Variants in BIN2 observed in about 807,000 individuals in gnomAD.
The protein encoded by BIN2 is bridging integrator 2, also known as breast cancer associated protein BRAP1.
Under a neutral mutation model 67.9 loss-of-function variants are expected in BIN2, and 43 were observed. That is an observed-to-expected ratio of 0.63 (90% CI 0.50 to 0.82). The LOEUF (loss-of-function observed/expected upper bound fraction) is 0.82, where lower values mean the gene tolerates loss of function less well. BIN2 is among the 40% of genes least tolerant of loss of function. The pLI is 0.00. For synonymous variants in BIN2, 244 were observed against 246.8 expected (o/e 0.99, Z 0.11); for missense variants, 581 against 671.6 (o/e 0.87, Z 1.49).
At position 51,309,977 on chromosome 12, in the gene BIN2, G is replaced by T. The variant is rs78902715; in HGVS notation, c.162+3846C>A. Among the ~76,000 whole-genome samples, 194 of 152,294 alleles carry T rather than the reference G, an allele frequency of 1.3e-3. 4 individuals are homozygous for T. The East Asian group carries it at 0.026, about 20-fold the overall frequency. On this transcript the variant is annotated intron_variant, in intron 2 of 12. Transcript: ENST00000615107. ...GAAATAGAACAGTAAGAAGAGTTGAGAAGAGGCCCAGAGAGGCCTCCTAGT... is the reference window on the plus strand; with the variant it reads ...GAAATAGAACAGTAAGAAGAGTTGATAAGAGGCCCAGAGAGGCCTCCTAGT...
intron 9 of BIN2, among the ~76,000 whole-genome samples, chr12:51,295,392 CAAAAAAA>C (rs1178848004): frequency 2.2e-5 from 2 of 91,760 alleles, no homozygotes; most frequent in Non-Finnish European, 4.4e-5. Flanking sequence ...ACTAAAAATA[CAAAAAAA>C]AAAAAAAAAA....
upstream of BIN2, chr12:51,324,589 G>C (rs1038633466): frequency 6.0e-5 from 88 of 1,464,270 alleles, no homozygotes; most frequent in East Asian, 2.3e-3. Flanking sequence ...GCTCCAGGTA[G>C]GCTCTAAGCC....
At chr12:51,295,173 G>T (rs1207392021) in intron 9 of BIN2, among the ~76,000 whole-genome samples, 1 of 151,798 alleles carries the variant, frequency 6.6e-6, no homozygotes, top group African/African-American at 2.4e-5. Context: ...TCAAACTCCT[G>T]ATCTCAAGTA....
intron 2 of BIN2, among the ~76,000 whole-genome samples, chr12:51,310,709 CATT>C (rs764812703): frequency 8.5e-5 from 13 of 152,202 alleles, no homozygotes; most frequent in South Asian, 2.1e-4. Context: ...TATAAAATAA[CATT>C]GTTGTAGTTT....
chr12:51,317,894 A>G (rs2137442951), intron 1 of BIN2, among the ~76,000 whole-genome samples: 1 of 152,296 alleles, frequency 6.6e-6, no homozygotes, highest in East Asian at 1.9e-4. Flanking sequence ...AGGCTGAGGC[A>G]GGAGAATGGC....
At chr12:51,314,887 C>T (rs561991572) in intron 1 of BIN2, among the ~76,000 whole-genome samples, 1 of 152,172 alleles carries the variant, frequency 6.6e-6, no homozygotes, top group South Asian at 2.1e-4. Context: ...GGGTCTTGCT[C>T]TGTTGCCCTG....
At chr12:51,290,044 T>G (rs1003959265) in intron 10 of BIN2, among the ~76,000 whole-genome samples, 1 of 151,950 alleles carries the variant, frequency 6.6e-6, no homozygotes, top group African/African-American at 2.4e-5. Context: ...GGATTCCAAC[T>G]ATTGGTCCTT....
chr12:51,318,768 G>C (rs1313536079), intron 1 of BIN2, among the ~76,000 whole-genome samples: 1 of 152,144 alleles, frequency 6.6e-6, no homozygotes, highest in Non-Finnish European at 1.5e-5. Flanking sequence ...ATCTCCTTGA[G>C]TTGTCAGGAG....
At chr12:51,284,280 G>T (rs1002542831) in intron 12 of BIN2, among the ~76,000 whole-genome samples, 1 of 152,142 alleles carries the variant, frequency 6.6e-6, no homozygotes, top group East Asian at 1.9e-4. Flanking sequence ...ATTCAGTAAA[G>T]TAACATGCTG....
At chr12:51,310,818 T>C (rs1339891926) in intron 2 of BIN2, among the ~76,000 whole-genome samples, 1 of 152,180 alleles carries the variant, frequency 6.6e-6, no homozygotes, top group African/African-American at 2.4e-5. Context: ...TGGAGTGCAG[T>C]GGCACAAACA....
chr12:51,287,688 G>A (rs1266499571), intron 11 of BIN2, among the ~76,000 whole-genome samples: 2 of 146,958 alleles, frequency 1.4e-5, no homozygotes, highest in African/African-American at 5.1e-5. Context: ...GTCTCGCTCT[G>A]TCACCCAGGC....
chr12:51,309,092 A>G (rs145467428), intron 2 of BIN2, among the ~76,000 whole-genome samples: 38 of 152,320 alleles, frequency 2.5e-4, no homozygotes, highest in Non-Finnish European at 4.6e-4. Context: ...TTTACCTGCA[A>G]GCTGACTGTG....
At chr12:51,308,642 A>C (rs1319358056) in intron 2 of BIN2, among the ~76,000 whole-genome samples, 1 of 151,944 alleles carries the variant, frequency 6.6e-6, no homozygotes, top group Non-Finnish European at 1.5e-5. Context: ...TAGATCTAGG[A>C]GGGAAATACG....
At position 51,291,666 on chromosome 12, in the gene BIN2, C is replaced by T. The variant is rs1341279531; in HGVS notation, c.1440G>A (p.Glu480=). The T allele has an allele frequency of 6.2e-7, 1 of 1,613,688 alleles. No individual in the cohort carries two copies. Among genetic ancestry groups the T allele is most frequent in the Non-Finnish European group, 8.5e-7 (1 of 1,179,786 alleles). Residue 480 remains glutamate (E), a synonymous_variant, in exon 10 of 13, where the codon GAG becomes GAA. Coordinates refer to ENST00000615107, the MANE Select transcript of BIN2 (RefSeq NM_016293.4). ...TGTGGATGTTTTCATTTTCTTTGGCCTCAGGAGTTCTTACTGGCTTCTCTG... is the reference window on the plus strand; with the variant it reads ...TGTGGATGTTTTCATTTTCTTTGGCTTCAGGAGTTCTTACTGGCTTCTCTG... ...EPPEKPVRTP[E]AKENENIHNQ...
intron 6 of BIN2, 53 bp from the exon 7 acceptor site, chr12:51,299,341 C>T: frequency 6.6e-7 from 1 of 1,509,486 alleles, no homozygotes; most frequent in Non-Finnish European, 9.2e-7. Flanking sequence ...CCCAGTACTA[C>T]AGCATGCCTC....
chr12:51,299,507 A>G (rs941791388), intron 6 of BIN2, 100 bp downstream of exon 6: 2 of 1,135,696 alleles, frequency 1.8e-6, no homozygotes, highest in East Asian at 2.4e-5. Flanking sequence ...TGCTGAATTT[A>G]TAATTTCCTA....
At position 51,314,294 on chromosome 12, in the gene BIN2, C is replaced by T. The variant is rs1431072966; in HGVS notation, c.82-391G>A. 6.6e-5 allele frequency among the ~76,000 whole-genome samples: 10 copies of T among 151,942 alleles called. No homozygotes were observed. In the South Asian group the frequency reaches 1.2e-3, roughly 19 times the overall value. ...AACTCCTGACCACAAATGATCCACC[C>T]GCCTTGGCCTCGCAAAGTGCTGGGA... On this transcript the variant is annotated intron_variant, in intron 1 of 12. Coordinates refer to ENST00000615107, the MANE Select transcript of BIN2 (RefSeq NM_016293.4).
In BIN2 at chr12:51,302,056, G is replaced by A; in HGVS notation, c.372C>T (p.Thr124=). Residue 124 remains threonine (T), a synonymous_variant, in exon 5 of 13, where the codon ACC becomes ACT. Transcript: ENST00000615107. ...TGAACTGGGCAACATAGATTTCCAT[G>A]GTCCTTACAGCCTGGTCAGCCAGTT... ...EEKLADQAVR[T]MEIYVAQFSE... 1 of 1,613,644 alleles carries A rather than the reference G, an allele frequency of 6.2e-7. No individual in the cohort carries two copies. Among genetic ancestry groups the A allele is most frequent in the Non-Finnish European group, 8.5e-7 (1 of 1,179,610 alleles).
At chr12:51,317,204 C>G (rs1946157504) in intron 1 of BIN2, among the ~76,000 whole-genome samples, 2 of 152,166 alleles carry the variant, frequency 1.3e-5, no homozygotes, top group Middle Eastern at 3.4e-3. Flanking sequence ...TGTTTATTCT[C>G]CTAAACTATA....
Sources: gnomAD v4.1 joint callset for allele counts (sites outside exome capture counted in the v4.1 genomes callset) on GRCh38, gnomAD v4.1.1 for gene constraint, MANE v1.5 for transcripts, NCBI Gene and HGNC (gene_info 2026-07-23, HGNC 2026-07-21) for gene names.